The following CEP120 variants were observed in gnomAD, a reference collection of about 807,000 sequenced individuals.
CEP120 encodes the protein centrosomal protein 120.
In CEP120, 113 loss-of-function variants were observed where a neutral mutation model predicts 126.5. That is an observed-to-expected ratio of 0.89 (90% CI 0.77 to 1.04). CEP120 has a LOEUF of 1.04. CEP120 is among the 50% of genes least tolerant of loss of function. CEP120 has a pLI of 0.00. For synonymous variants in CEP120, 400 were observed against 394.3 expected, an observed-to-expected ratio of 1.01 and a Z score of -0.17; for missense variants, 1,230 against 1,155.7, an observed-to-expected ratio of 1.06 and a Z score of -0.93.
chr5:123,418,069 A>G (rs1774489417), intron 2 of CEP120, among the ~76,000 whole-genome samples: 1 of 152,220 alleles, frequency 6.6e-6, no homozygotes, highest in Non-Finnish European at 1.5e-5. Flanking sequence ...GAGTGCTGAC[A>G]TAATGCCACA....
rs1772526957 is a variant in CEP120 at position 123,393,306 on chromosome 5, T to A, written c.804A>T (p.Lys268Asn). 6.2e-7 allele frequency: 1 copy of A among 1,613,928 alleles called. No homozygotes were observed. Among genetic ancestry groups the A allele is most frequent in the Non-Finnish European group, 8.5e-7 (1 of 1,179,962 alleles). The change falls in exon 6 of 20, where the codon AAA becomes AAT. Residue 268 changes from lysine to asparagine, a missense_variant. Transcript: ENST00000306467. ...ILRVYLALQS[K>N]LQIHLCCGDQ... Reference sequence around the variant, plus strand: ...GATTTGCTGCAATACTCACCTGCAGTTTAGACTGAAGAGCCAGGTAAACAC... The same window carrying A: ...GATTTGCTGCAATACTCACCTGCAGATTAGACTGAAGAGCCAGGTAAACAC...
chr5:123,346,563 G>A lies in CEP120; in HGVS notation c.2917C>T (p.Arg973Ter), dbSNP rs201560025. 14 of 1,613,230 alleles carry A rather than the reference G, an allele frequency of 8.7e-6. No homozygotes were observed. In the Admixed American group the frequency reaches 1.2e-4, roughly 13 times the overall value. Residue 973 changes from arginine (R) to a stop codon, truncating the protein, a stop_gained, in exon 20 of 20, where the codon CGA becomes TGA. Transcript: ENST00000306467. LOFTEE classifies it high-confidence loss of function. ...HEDRIISELD[R>*]QIREILAKSN... ...TTTGCCAAAATCTCTCTGATCTGTCGGTCGAGTTCACTTATTATTCGATCC... is the reference window on the plus strand; with the variant it reads ...TTTGCCAAAATCTCTCTGATCTGTCAGTCGAGTTCACTTATTATTCGATCC...
chr5:123,372,632 C>G lies in CEP120; in HGVS notation c.2481+18G>C. 1 of 1,609,582 alleles carries G rather than the reference C, an allele frequency of 6.2e-7. No individual in the cohort carries two copies. Among genetic ancestry groups the G allele is most frequent in the Non-Finnish European group, 8.5e-7 (1 of 1,176,796 alleles). On this transcript the variant is annotated intron_variant, in intron 17 of 19. Coordinates refer to ENST00000306467, the MANE Select transcript of CEP120 (RefSeq NM_001375405.1). ...AATCACTGGGACTAGTTAAACTGCA[C>G]AAAATTAACATGTGTACCTTTTCCA...
intron 17 of CEP120, among the ~76,000 whole-genome samples, chr5:123,365,370 C>A (rs1770382838): frequency 6.6e-6 from 1 of 151,674 alleles, no homozygotes; most frequent in African/African-American, 2.4e-5. Context: ...CAAACAAATT[C>A]ATGTAGCCAA....
chr5:123,386,103 C>A (rs1772003177), intron 10 of CEP120, among the ~76,000 whole-genome samples: 1 of 152,036 alleles, frequency 6.6e-6, no homozygotes, highest in Admixed American at 6.6e-5. Context: ...GTCAGATTAA[C>A]ATCTCTAGTT....
intron 5 of CEP120, among the ~76,000 whole-genome samples, chr5:123,394,075 A>C (rs1772594556): frequency 6.6e-6 from 1 of 152,198 alleles, no homozygotes. Flanking sequence ...TGACTAAGAG[A>C]TGGGATTCTT....
Position 123,372,745 on chromosome 5 carries a change from T to C in CEP120, c.2386A>G (p.Ile796Val), listed in dbSNP as rs777188827. ...AACTGTTGGAACTCTTTTTCCAAAA[T>C]CTTATACTTATTTTCAGCATCATTA... ...QLNDAENKYK[I>V]LEKEFQQFKD... is the part of the protein sequence containing the mutation. The change falls in exon 17 of 20, where the codon ATT becomes GTT. Residue 796 changes from isoleucine to valine, a missense_variant. By Grantham distance (29) the Ile-to-Val change is conservative (BLOSUM62 3). Coordinates refer to ENST00000306467, the MANE Select transcript of CEP120 (RefSeq NM_001375405.1). 5.0e-6 allele frequency: 8 copies of C among 1,605,298 alleles called. No individual in the cohort carries two copies. The highest frequency in any genetic ancestry group is 1.3e-5 in the African/African-American group (1 of 74,416).
Position 123,349,940 on chromosome 5 carries a change from A to T in CEP120, c.2726+4T>A. The T allele has an allele frequency of 1.9e-6, 3 of 1,611,978 alleles. No individual in the cohort carries two copies. Among genetic ancestry groups the T allele is most frequent in the Non-Finnish European group, 8.5e-7 (1 of 1,179,332 alleles). Reference sequence around the variant, plus strand: ...TTTGAAAGAAACACTTTTAGTTATTATACCTGTTCAATTCATTTCTTATAT... The same window carrying T: ...TTTGAAAGAAACACTTTTAGTTATTTTACCTGTTCAATTCATTTCTTATAT... On this transcript the variant is annotated splice_donor_region_variant and intron_variant, in intron 19 of 19. Transcript: ENST00000306467.
In CEP120 at chr5:123,393,300, C is replaced by A; in HGVS notation, c.810G>T (p.Gln270His). The change falls in exon 6 of 20, where the codon CAG (glutamine) becomes CAT (histidine). Residue 270 changes from glutamine to histidine, a missense_variant and splice_region_variant. Transcript: ENST00000306467. Reference sequence around the variant, plus strand: ...AAAAACGATTTGCTGCAATACTCACCTGCAGTTTAGACTGAAGAGCCAGGT... The same window carrying A: ...AAAAACGATTTGCTGCAATACTCACATGCAGTTTAGACTGAAGAGCCAGGT... ...RVYLALQSKL[Q>H]IHLCCGDQSL... 6.2e-7 allele frequency: 1 copy of A among 1,614,000 alleles called. No individual in the cohort carries two copies. The highest frequency in any genetic ancestry group is 8.5e-7 in the Non-Finnish European group (1 of 1,179,900).
At chr5:123,389,843 G>T in intron 8 of CEP120, 81 bp downstream of exon 8, 3 of 1,275,490 alleles carry the variant, frequency 2.4e-6, no homozygotes, top group Admixed American at 3.8e-5. Context: ...TATAACTCAT[G>T]AAAGTTCTCA....
intron 17 of CEP120, among the ~76,000 whole-genome samples, chr5:123,369,081 G>A (rs530709397): frequency 1.3e-5 from 2 of 151,646 alleles, no homozygotes; most frequent in South Asian, 2.1e-4. Context: ...TGAATATATG[G>A]GTCATAAGCC....
chr5:123,385,709 T>C (rs762854809), intron 10 of CEP120, among the ~76,000 whole-genome samples: 1 of 151,798 alleles, frequency 6.6e-6, no homozygotes, highest in Non-Finnish European at 1.5e-5. Context: ...CTCAACCTCC[T>C]GGGCTCAAGT....
At chr5:123,361,379 T>C (rs946274845) in intron 18 of CEP120, among the ~76,000 whole-genome samples, 28 of 151,822 alleles carry the variant, frequency 1.8e-4, no homozygotes, top group Non-Finnish European at 5.9e-5. Context: ...TCCTCCTAGG[T>C]GAACAACTGC....
intron 1 of CEP120, among the ~76,000 whole-genome samples, chr5:123,421,220 A>G (rs946466169): frequency 3.3e-5 from 5 of 152,144 alleles, no homozygotes; most frequent in Non-Finnish European, 7.3e-5. Context: ...TTACCATGAC[A>G]TTTCTAAATA....
At chr5:123,396,858 GCTTT>G (rs1562065696) in intron 5 of CEP120, among the ~76,000 whole-genome samples, 1 of 152,130 alleles carries the variant, frequency 6.6e-6, no homozygotes, top group African/African-American at 2.4e-5. Context: ...CCTAAGACTT[GCTTT>G]CCTTATCTCT....
Position 123,350,056 on chromosome 5 carries a change from T to C in CEP120, c.2614A>G (p.Lys872Glu), listed in dbSNP as rs1253973441. 1.9e-6 allele frequency: 3 copies of C among 1,613,144 alleles called. No individual in the cohort carries two copies. The highest frequency in any genetic ancestry group is 2.5e-6 in the Non-Finnish European group (3 of 1,179,698). ...EQESQMARLK[K>E]QQEELEQMRL... is the part of the protein sequence containing the mutation. ...ATCTGTTCCAATTCTTCCTGCTGTT[T>C]TTTAAGACGAGCCATTTGACTTTCT... Residue 872 changes from lysine to glutamate, a missense_variant, in exon 19 of 20, where the codon AAA (lysine) becomes GAA (glutamate). Physicochemically the swap from Lys to Glu is moderately conservative, Grantham distance 56. Transcript: ENST00000306467.
rs1350918549 is a variant in CEP120 at position 123,346,698 on chromosome 5, T to C, written c.2782A>G (p.Lys928Glu). The change falls in exon 20 of 20, where the codon AAA becomes GAA. Residue 928 changes from lysine (K) to glutamate (E), a missense_variant. By Grantham distance (56) the Lys-to-Glu change is moderately conservative (BLOSUM62 1). Transcript: ENST00000306467. ...ACACTGCCATGGGGGCCATCCTTTT[T>C]TCCACTTGCAATCTCTGTGGAATCC... ...YQDSTEIASG[K>E]KDGPHGSVLE... 4 of 1,613,350 alleles carry C rather than the reference T, an allele frequency of 2.5e-6. No individual in the cohort carries two copies. The highest frequency in any genetic ancestry group is 3.3e-5 in the Admixed American group (2 of 59,780).
At chr5:123,402,550 T>A (rs1229382003) in intron 4 of CEP120, among the ~76,000 whole-genome samples, 5 of 152,144 alleles carry the variant, frequency 3.3e-5, no homozygotes, top group Admixed American at 6.5e-5. Flanking sequence ...TAGCTGGGAT[T>A]ACAGGCTTGT....
intron 4 of CEP120, chr5:123,403,404 C>T: frequency 4.7e-6 from 2 of 429,574 alleles, no homozygotes; most frequent in Non-Finnish European, 9.2e-6. Context: ...GAAACAAAAG[C>T]AACTTAAAAG....
Sources: gnomAD v4.1 joint callset for allele counts (sites outside exome capture counted in the v4.1 genomes callset) on GRCh38, gnomAD v4.1.1 for gene constraint, MANE v1.5 for transcripts, NCBI Gene and HGNC (gene_info 2026-07-23, HGNC 2026-07-21) for gene names.